Variants in GATAD2A observed in about 807,000 individuals in gnomAD.
GATAD2A encodes GATA zinc finger domain containing 2A.
Under a neutral mutation model 68.5 loss-of-function variants are expected in GATAD2A, and 12 were observed. The observed-to-expected ratio is 0.18, with a 90% CI of 0.11 to 0.28. GATAD2A has a LOEUF of 0.28. Among genes scored for constraint, GATAD2A ranks in the 10% least tolerant of loss-of-function variants. GATAD2A has a pLI of 1.00. For missense variants in GATAD2A, 755 were observed against 868.5 expected (o/e 0.87, Z 1.64); for synonymous variants, 410 against 375.3 (o/e 1.09, Z -1.07).
intron 1 of GATAD2A, among the ~76,000 whole-genome samples, chr19:19,392,737 C>T (rs1405175045): frequency 6.7e-6 from 1 of 148,370 alleles, no homozygotes; most frequent in Non-Finnish European, 1.5e-5. Context: ...TGCTCTGTCA[C>T]CCAGCCTGGA....
upstream of GATAD2A, among the ~76,000 whole-genome samples, chr19:19,400,676 ATCTTTTCTTT>A (rs750543965): frequency 7.9e-5 from 12 of 152,172 alleles, no homozygotes; most frequent in East Asian, 1.9e-4. Context: ...TTAATAATTA[ATCTTTTCTTT>A]TCTTTTCTTT....
Position 19,499,339 on chromosome 19 carries a change from A to G in GATAD2A, c.1204+617A>G, listed in dbSNP as rs370650931. 5.3e-5 allele frequency among the ~76,000 whole-genome samples: 8 copies of G among 152,270 alleles called. No homozygotes were observed. In the East Asian group the frequency reaches 5.8e-4, roughly 11 times the overall value. ...ATGGAGACCAAGGACGTTTCTGCCC[A>G]CAGGTTGAGGTTGGGGTGACACGAG... is the stretch of plus-strand genomic sequence containing the variant. On this transcript the variant is annotated intron_variant, in intron 8 of 11. Coordinates refer to ENST00000683918, the MANE Select transcript of GATAD2A (RefSeq NM_001384528.1).
intron 2 of GATAD2A, among the ~76,000 whole-genome samples, chr19:19,474,512 C>T (rs753716403): frequency 2.6e-5 from 4 of 152,148 alleles, no homozygotes; most frequent in Non-Finnish European, 5.9e-5. Context: ...GTCCGGCTTC[C>T]TTCTGAGTGT....
At chr19:19,477,922 G>A (rs1049345170) in intron 2 of GATAD2A, among the ~76,000 whole-genome samples, 2 of 152,188 alleles carry the variant, frequency 1.3e-5, no homozygotes, top group East Asian at 1.9e-4. Context: ...ATAGGGCGTC[G>A]CCCGCTTTCT....
chr19:19,488,893 C>T (rs549110303), intron 2 of GATAD2A, among the ~76,000 whole-genome samples: 12 of 152,144 alleles, frequency 7.9e-5, no homozygotes, highest in South Asian at 2.1e-4. Context: ...ACTTGGTGCC[C>T]GGGACGGCTG....
At chr19:19,436,137 C>T (rs1457375208) in intron 1 of GATAD2A, 1 of 1,363,724 alleles carries the variant, frequency 7.3e-7, no homozygotes, top group African/African-American at 1.5e-5. Flanking sequence ...TTAGGTTGGT[C>T]AGCACATTGT....
intron 2 of GATAD2A, among the ~76,000 whole-genome samples, chr19:19,483,781 A>ATT (rs540958459): frequency 2.3e-5 from 3 of 130,012 alleles, no homozygotes; most frequent in Non-Finnish European, 3.2e-5. Context: ...TACCCGGCTA[A>ATT]TTTTTTTTTT....
At chr19:19,498,412 A>G (rs750514279) in intron 7 of GATAD2A, 31 bp from the exon 8 acceptor site, 12 of 1,585,778 alleles carry the variant, frequency 7.6e-6, no homozygotes, top group Non-Finnish European at 9.5e-6. Flanking sequence ...AGGCGCACGG[A>G]GCGCCCTGAC....
At chr19:19,406,495 A>T (rs1012464091) in intron 1 of GATAD2A, among the ~76,000 whole-genome samples, 2 of 151,130 alleles carry the variant, frequency 1.3e-5, no homozygotes, top group East Asian at 2.0e-4. Flanking sequence ...GTGTCAGAAT[A>T]AGAGTCCCCG....
chr19:19,411,300 C>G (rs558839315), intron 1 of GATAD2A, among the ~76,000 whole-genome samples: 1 of 152,206 alleles, frequency 6.6e-6, no homozygotes, highest in African/African-American at 2.4e-5. Flanking sequence ...ATACTGAATG[C>G]CTGGGTTGGT....
chr19:19,403,120 T>A (rs1030784993), upstream of GATAD2A, among the ~76,000 whole-genome samples: 2 of 152,186 alleles, frequency 1.3e-5, no homozygotes, highest in African/African-American at 4.8e-5. Flanking sequence ...GAGAAAACTT[T>A]TAGAAAACAT....
chr19:19,403,217 C>T (rs1281934106), upstream of GATAD2A, among the ~76,000 whole-genome samples: 1 of 152,022 alleles, frequency 6.6e-6, no homozygotes, highest in Non-Finnish European at 1.5e-5. Flanking sequence ...TCATAATCAC[C>T]CAGCTGAACT....
At chr19:19,409,423 T>C (rs1483201535) in intron 1 of GATAD2A, among the ~76,000 whole-genome samples, 2 of 152,090 alleles carry the variant, frequency 1.3e-5, no homozygotes, top group African/African-American at 4.8e-5. Flanking sequence ...GGTTGGGAAG[T>C]GTGGCAGAAC....
Position 19,440,536 on chromosome 19 carries a change from G to A in GATAD2A, c.-6-24804G>A, listed in dbSNP as rs545119646. On this transcript the variant is annotated intron_variant, in intron 1 of 11. Transcript: ENST00000683918. ...GCCTCCCAAAGTGCTGGGATAACAA[G>A]TGTGAGCCACCGTGCCCAGCCACTC... is the stretch of plus-strand genomic sequence containing the variant. 160 of 190,630 alleles carry A rather than the reference G, an allele frequency of 8.4e-4. 1 individual carries two copies. Among genetic ancestry groups the A allele is most frequent in the East Asian group, 1.0e-3 (6 of 5,748 alleles). The allele number at this position is 190,630 out of a possible 1,614,324, so 11.8% of individuals were successfully genotyped here. A position where few individuals can be genotyped will look rare whatever the true frequency, so the allele number is the denominator to read the frequency against.
At chr19:19,395,031 G>C (rs887559779) in intron 1 of GATAD2A, among the ~76,000 whole-genome samples, 18 of 152,182 alleles carry the variant, frequency 1.2e-4, no homozygotes, top group African/African-American at 4.3e-4. Flanking sequence ...GACAAGTAAT[G>C]CAACTGTGCA....
chr19:19,502,032 G>A lies in GATAD2A; in HGVS notation c.1567G>A (p.Ala523Thr). ...AGAGGCCCGCGACTGGAGTAACGGGGCTGTGCTACAGGTCAGAACCGCACT... is the reference window on the plus strand; with the variant it reads ...AGAGGCCCGCGACTGGAGTAACGGGACTGTGCTACAGGTCAGAACCGCACT... ...SGEARDWSNG[A>T]VLQASSQLSR... The change falls in exon 10 of 12, where the codon GCT becomes ACT. Residue 523 changes from alanine (A) to threonine (T), a missense_variant. Transcript: ENST00000683918. The A allele has an allele frequency of 6.2e-7, 1 of 1,613,342 alleles. No homozygotes were observed. The highest frequency in any genetic ancestry group is 8.5e-7 in the Non-Finnish European group (1 of 1,179,484).
intron 1 of GATAD2A, among the ~76,000 whole-genome samples, chr19:19,396,777 CAGCT>C (rs1463945303): frequency 6.6e-6 from 1 of 152,132 alleles, no homozygotes; most frequent in Non-Finnish European, 1.5e-5. Context: ...GGTGCAGTCT[CAGCT>C]CATTGCAACC....
rs2058459127 is a variant in GATAD2A at position 19,473,485 on chromosome 19, C to T, written c.269+7871C>T. Among the ~76,000 whole-genome samples, 3 of 152,164 alleles carry T rather than the reference C, an allele frequency of 2.0e-5. No homozygotes were observed. The South Asian group carries it at 6.2e-4, about 31-fold the overall frequency. On this transcript the variant is annotated intron_variant, in intron 2 of 11. Transcript: ENST00000683918. ...TGGTGTCCTTGATGACAATTAGAAT[C>T]ATTGCCGTTGTCTTTCTTTTTAGAC...
At chr19:19,401,314 C>T (rs928934450), upstream of GATAD2A, among the ~76,000 whole-genome samples, 12 of 148,906 alleles carry the variant, frequency 8.1e-5, no homozygotes, top group Admixed American at 3.4e-4. Context: ...CCCGGGTTCA[C>T]GCCAATCTCC....
Sources: gnomAD v4.1 joint callset for allele counts (sites outside exome capture counted in the v4.1 genomes callset) on GRCh38, gnomAD v4.1.1 for gene constraint, MANE v1.5 for transcripts, NCBI Gene and HGNC (gene_info 2026-07-23, HGNC 2026-07-21) for gene names.